The following SETD4 variants were observed in gnomAD, a reference collection of about 807,000 sequenced individuals.
The protein encoded by SETD4 is SET domain containing 4.
SETD4 carries 46 observed loss-of-function variants against 58.3 expected under a neutral mutation model. The ratio of observed to expected loss-of-function variants is 0.79; its 90% CI spans 0.62 to 1.01. SETD4 has a LOEUF of 1.01. Among genes scored for constraint, SETD4 ranks in the 50% least tolerant of loss-of-function variants. SETD4 has a pLI of 0.00. For missense variants in SETD4, 490 were observed against 523.3 expected, an observed-to-expected ratio of 0.94 and a Z score of 0.62; for synonymous variants, 190 against 202.6, an observed-to-expected ratio of 0.94 and a Z score of 0.53.
chr21:36,037,011 C>T (rs567196249), intron 10 of SETD4, among the ~76,000 whole-genome samples: 1 of 152,152 alleles, frequency 6.6e-6, no homozygotes, highest in Admixed American at 6.6e-5. Flanking sequence ...ATTGTGGTCA[C>T]CAGAGGCTGA....
chr21:36,039,914 T>C (rs1478811999), intron 9 of SETD4, among the ~76,000 whole-genome samples: 1 of 152,204 alleles, frequency 6.6e-6, no homozygotes, highest in Non-Finnish European at 1.5e-5. Context: ...CTCCCAACTG[T>C]TCAAGGACAG....
At position 36,057,197 on chromosome 21, in the gene SETD4, C is replaced by T; in HGVS notation, c.81G>A (p.Glu27=). Reference sequence around the variant, plus strand: ...GCTCTATAAATTCAGACTTGTGGCTCTCATTCACTATCAGGCAAGGAGAGA... The same window carrying T: ...GCTCTATAAATTCAGACTTGTGGCTTTCATTCACTATCAGGCAAGGAGAGA... ...CGSSESRGVN[E]SHKSEFIELR... Residue 27 remains glutamate (E), a synonymous_variant, in exon 3 of 12, where the codon GAG becomes GAA. Coordinates refer to ENST00000332131, the MANE Select transcript of SETD4 (RefSeq NM_017438.5). The T allele has an allele frequency of 2.5e-6, 4 of 1,613,526 alleles. No individual in the cohort carries two copies. The highest frequency in any genetic ancestry group is 3.4e-6 in the Non-Finnish European group (4 of 1,179,404).
At chr21:36,039,094 G>C (rs1220993177) in intron 9 of SETD4, among the ~76,000 whole-genome samples, 1 of 152,176 alleles carries the variant, frequency 6.6e-6, no homozygotes, top group Non-Finnish European at 1.5e-5. Context: ...GTCTCAGAAG[G>C]CTTCAGTTTC....
chr21:36,043,814 T>C lies in SETD4; in HGVS notation c.869A>G (p.His290Arg), dbSNP rs2064176503. ...GACATAAACACAAGCATGAGGATTA[T>C]GGACAGAAACAAATCCGTATTCCAG... ...LFLEYGFVSV[H>R]NPHACVYVSR... The change falls in exon 7 of 12, where the codon CAT (histidine) becomes CGT (arginine). Residue 290 changes from histidine (H) to arginine (R), a missense_variant. His to Arg is a conservative substitution (Grantham distance 29). Transcript: ENST00000332131. The C allele has an allele frequency of 5.0e-6, 8 of 1,614,214 alleles. No individual in the cohort carries two copies. The highest frequency in any genetic ancestry group is 1.1e-5 in the South Asian group (1 of 91,078).
In SETD4 at chr21:36,048,768, A is replaced by G. The variant is rs1454851820; in HGVS notation, c.208-372T>C. On this transcript the variant is annotated intron_variant, in intron 4 of 11. Coordinates refer to ENST00000332131, the MANE Select transcript of SETD4 (RefSeq NM_017438.5). ...GTTTTGCTCTTGTCTCCCAGGCTAG[A>G]GTGCAATGGCGTGATCTCAGCTCAC... 4.9e-5 allele frequency among the ~76,000 whole-genome samples: 7 copies of G among 142,606 alleles called. No individual in the cohort carries two copies. The Admixed American group carries it at 5.2e-4, about 11-fold the overall frequency. 93.6% of individuals were successfully genotyped at this position (142,606 alleles called of 152,430 possible).
In SETD4 at chr21:36,058,805, A is replaced by G. The variant is rs779383937; in HGVS notation, c.73+11T>C. ...CTTTTTTCATTACTGGTACTAAAAG[A>G]AAAACCATACCTCCTCTTGATTCAG... On this transcript the variant is annotated intron_variant, in intron 2 of 11. Transcript: ENST00000332131. The G allele has an allele frequency of 4.0e-5, 63 of 1,590,142 alleles. No homozygotes were observed. In the South Asian group the frequency reaches 6.7e-4, roughly 17 times the overall value.
chr21:36,050,983 T>C (rs2064650437), intron 4 of SETD4: 6 of 1,605,108 alleles, frequency 3.7e-6, no homozygotes, highest in Non-Finnish European at 5.1e-6. Flanking sequence ...TCTAATATCC[T>C]GGGGATGGAT....
chr21:36,038,512 C>T (rs866075176), intron 9 of SETD4, among the ~76,000 whole-genome samples: 3 of 152,136 alleles, frequency 2.0e-5, no homozygotes, highest in African/African-American at 7.2e-5. Context: ...GTACTCTCTG[C>T]AGGCAAGGGC....
At position 36,035,786 on chromosome 21, in the gene SETD4, C is replaced by T. The variant is rs573425927; in HGVS notation, c.*207G>A. On this transcript the variant is annotated 3_prime_UTR_variant, in exon 12 of 12. Coordinates refer to ENST00000332131, the MANE Select transcript of SETD4 (RefSeq NM_017438.5). ...GCCTCACAGTCCGCCTCTCTCCTCA[C>T]AGTTCAGCACTTTATTCGGAAGAGC... 1.3e-5 allele frequency: 4 copies of T among 311,786 alleles called. No homozygotes were observed. Among genetic ancestry groups the T allele is most frequent in the Non-Finnish European group, 2.4e-5 (4 of 165,552 alleles). 19.3% of individuals were successfully genotyped at this position (311,786 alleles called of 1,614,324 possible). A position where few individuals can be genotyped will look rare whatever the true frequency, so the allele number is the denominator to read the frequency against.
intron 2 of SETD4, 115 bp from the exon 3 acceptor site, chr21:36,057,319 T>C (rs954840982): frequency 1.1e-5 from 9 of 817,000 alleles, no homozygotes; most frequent in East Asian, 2.5e-5. Context: ...ATAGTAAGAA[T>C]TGGTGTATCT....
At chr21:36,058,767 C>A (rs2065123060) in intron 2 of SETD4, 49 bp downstream of exon 2, 6 of 1,543,434 alleles carry the variant, frequency 3.9e-6, no homozygotes, top group Non-Finnish European at 4.4e-6. Context: ...AACAAGCAAT[C>A]ACAAAAGGAT....
chr21:36,054,534 T>G (rs1338649995), intron 3 of SETD4, among the ~76,000 whole-genome samples: 1 of 152,246 alleles, frequency 6.6e-6, no homozygotes, highest in African/African-American at 2.4e-5. Context: ...TCACGGTGGC[T>G]CACTGCCTCA....
chr21:36,048,191 T>C, intron 5 of SETD4, 117 bp downstream of exon 5: 1 of 858,864 alleles, frequency 1.2e-6, no homozygotes, highest in Admixed American at 1.9e-5. Flanking sequence ...TTCAGGTTAT[T>C]TATCAGCTCT....
intron 7 of SETD4, 147 bp downstream of exon 7, chr21:36,043,635 A>G (rs1047792797): frequency 1.4e-6 from 2 of 1,435,034 alleles, no homozygotes; most frequent in Non-Finnish European, 1.8e-6. Context: ...AGCCAGTAAG[A>G]GTAAGGCTAG....
intron 8 of SETD4, among the ~76,000 whole-genome samples, chr21:36,041,245 G>A (rs555323967): frequency 1.3e-5 from 2 of 148,796 alleles, no homozygotes; most frequent in South Asian, 2.2e-4. Flanking sequence ...GGAGTTCCCA[G>A]TAAGAGAAAC....
chr21:36,048,165 T>G, intron 5 of SETD4, 143 bp downstream of exon 5: 1 of 720,998 alleles, frequency 1.4e-6, no homozygotes, highest in East Asian at 2.7e-5. Flanking sequence ...TAGAATGGAG[T>G]AAACTTTTCA....
At chr21:36,041,409 T>C (rs558254161) in intron 8 of SETD4, among the ~76,000 whole-genome samples, 6 of 152,230 alleles carry the variant, frequency 3.9e-5, no homozygotes, top group African/African-American at 1.4e-4. Flanking sequence ...CCACTTGGCA[T>C]GGAATCACCT....
chr21:36,045,327 G>A (rs1283105335), intron 6 of SETD4, among the ~76,000 whole-genome samples: 2 of 152,230 alleles, frequency 1.3e-5, no homozygotes, highest in African/African-American at 4.8e-5. Context: ...GGAAAGACCG[G>A]ACAGAGGATG....
chr21:36,045,789 G>C lies in SETD4; in HGVS notation c.519C>G (p.Ser173=), dbSNP rs1425998376. Residue 173 remains serine (S), a synonymous_variant, in exon 6 of 12, where the codon TCC becomes TCG. Transcript: ENST00000332131. ...RAHVQEFFAS[S]RDFFSSLQPL... ...GCTGCAGAGAAGAGAAAAAGTCTCT[G>C]GAGGAAGCAAAGAACTCCTGCACGT... The C allele has an allele frequency of 1.2e-6, 2 of 1,614,198 alleles. No individual in the cohort carries two copies. The highest frequency in any genetic ancestry group is 1.7e-6 in the Non-Finnish European group (2 of 1,180,042).
Sources: allele counts gnomAD v4.1 joint callset (sites outside exome capture counted in the v4.1 genomes callset), GRCh38; gene constraint gnomAD v4.1.1; transcripts MANE v1.5; gene names NCBI Gene and HGNC (gene_info 2026-07-23, HGNC 2026-07-21).